Variants in TANC1 observed in about 807,000 individuals in gnomAD.
The protein encoded by TANC1 is tetratricopeptide repeat, ankyrin repeat and coiled-coil containing 1.
TANC1 carries 77 observed loss-of-function variants against 149.7 expected under a neutral mutation model. The observed-to-expected ratio is 0.51, with a 90% CI of 0.43 to 0.62. The LOEUF is 0.62. Ranked by LOEUF, TANC1 falls within the 20% of genes least tolerant of loss-of-function variation. TANC1 has a pLI of 0.00. For missense variants in TANC1, 1,985 were observed against 2,321.8 expected, an observed-to-expected ratio of 0.85 and a Z score of 2.98; for synonymous variants, 854 against 925.0, an observed-to-expected ratio of 0.92 and a Z score of 1.39.
intron 2 of TANC1, among the ~76,000 whole-genome samples, chr2:159,013,170 T>A (rs751676615): frequency 3.3e-5 from 5 of 152,170 alleles, no homozygotes; most frequent in Admixed American, 6.6e-5. Context: ...TGGGCAATAA[T>A]TGGAGCATAA....
At chr2:159,131,820 A>C (rs998785337) in intron 4 of TANC1, among the ~76,000 whole-genome samples, 3 of 152,268 alleles carry the variant, frequency 2.0e-5, no homozygotes, top group African/African-American at 7.2e-5. Flanking sequence ...CTTTATGTTC[A>C]GCTGTTTGTG....
Position 159,229,796 on chromosome 2 carries a change from A to T in TANC1, c.4370A>T (p.Glu1457Val). The T allele has an allele frequency of 6.2e-7, 1 of 1,613,736 alleles. No individual in the cohort carries two copies. Among genetic ancestry groups the T allele is most frequent in the Non-Finnish European group, 8.5e-7 (1 of 1,180,018 alleles). ...GGCTTAAGTGACCACTTTCACTCTGAGGAGACTGAAGAGGAAGAAACTTCT... is the reference window on the plus strand; with the variant it reads ...GGCTTAAGTGACCACTTTCACTCTGTGGAGACTGAAGAGGAAGAAACTTCT... ...TPGLSDHFHS[E>V]ETEEEETSPQ... Residue 1457 changes from glutamate (E) to valine (V), a missense_variant, in exon 27 of 27, where the codon GAG becomes GTG. Physicochemically the swap from Glu to Val is moderately radical, Grantham distance 121. Transcript: ENST00000263635.
At chr2:159,195,623 T>C (rs1346342898) in intron 17 of TANC1, among the ~76,000 whole-genome samples, 2 of 152,224 alleles carry the variant, frequency 1.3e-5, no homozygotes, top group Non-Finnish European at 2.9e-5. Flanking sequence ...TATTTTTTTC[T>C]CTCAAATCCA....
In TANC1 at chr2:159,230,899, C is replaced by G. The variant is rs77049231; in HGVS notation, c.5473C>G (p.His1825Asp). 2 of 1,614,094 alleles carry G rather than the reference C, an allele frequency of 1.2e-6. No individual in the cohort carries two copies. The highest frequency in any genetic ancestry group is 3.3e-5 in the Admixed American group (2 of 60,028). Residue 1825 changes from histidine (H) to aspartate (D), a missense_variant, in exon 27 of 27, where the codon CAT (histidine) becomes GAT (aspartate). Around this residue, in one of 3 missense-constraint regions of TANC1, gnomAD observed 920 missense variants for 994.7 expected, o/e 0.92. Coordinates refer to ENST00000263635, the MANE Select transcript of TANC1 (RefSeq NM_033394.3). This position sits in a 1 kb window ranked among gnomAD's most constrained non-coding sequence, Gnocchi z 4.4. ...GAACAGGATAACTAAGACTGTTTCT[C>G]ATCTGTACCAGGAAAGTATCTCCAA... ...QENRITKTVS[H>D]LYQESISKQQ...
intron 1 of TANC1, among the ~76,000 whole-genome samples, chr2:158,986,862 T>G (rs753933656): frequency 2.9e-4 from 44 of 152,082 alleles, no homozygotes; most frequent in Non-Finnish European, 4.6e-4. Context: ...GTCCTCAAAA[T>G]TAGGTTTGTT....
At position 159,231,099 on chromosome 2, in the gene TANC1, AT is replaced by A. The variant is rs1157072011; in HGVS notation, c.*93del. On this transcript the variant is annotated 3_prime_UTR_variant, in exon 27 of 27. Coordinates refer to ENST00000263635, the MANE Select transcript of TANC1 (RefSeq NM_033394.3). ...AATAGTTTTTTTCATCAGAAAAATTATTTTTTAGCCATTTTTTTTCTTTGGG... is the reference window on the plus strand; with the variant it reads ...AATAGTTTTTTTCATCAGAAAAATTATTTTTAGCCATTTTTTTTCTTTGGG... 13 of 1,166,500 alleles carry A rather than the reference AT, an allele frequency of 1.1e-5. No homozygotes were observed. Among genetic ancestry groups the A allele is most frequent in the Non-Finnish European group, 1.5e-5 (13 of 839,714 alleles). The allele number at this position is 1,166,500 out of a possible 1,614,324, so 72.3% of individuals were successfully genotyped here.
intron 16 of TANC1, among the ~76,000 whole-genome samples, chr2:159,188,952 AC>A (rs1321877302): frequency 2.0e-5 from 3 of 152,218 alleles, no homozygotes; most frequent in Non-Finnish European, 4.4e-5. Context: ...TTCCTTCAGC[AC>A]AGTGCCGTCT....
intron 2 of TANC1, among the ~76,000 whole-genome samples, chr2:159,024,700 A>C (rs1013046833): frequency 1.3e-5 from 2 of 151,978 alleles, no homozygotes; most frequent in East Asian, 1.9e-4. Context: ...GTAGTGATCC[A>C]AGATTGCACC....
intron 11 of TANC1, among the ~76,000 whole-genome samples, chr2:159,173,547 G>A (rs1314488664): frequency 6.6e-6 from 1 of 152,232 alleles, no homozygotes; most frequent in African/African-American, 2.4e-5. Context: ...GGAGGCTGCA[G>A]TGAGCCAAGA....
At chr2:159,151,438 A>T (rs2052800228) in intron 7 of TANC1, among the ~76,000 whole-genome samples, 1 of 152,208 alleles carries the variant, frequency 6.6e-6, no homozygotes, top group South Asian at 2.1e-4. Flanking sequence ...TTGCAGTTTC[A>T]CGCAGAGCTC....
rs370813551 is a variant in TANC1 at position 159,163,528 on chromosome 2, C to T, written c.928C>T (p.Arg310Trp). 4.3e-6 allele frequency: 7 copies of T among 1,612,138 alleles called. No individual in the cohort carries two copies. The highest frequency in any genetic ancestry group is 1.7e-5 in the Admixed American group (1 of 59,992). ...SQGSSSLIMP[R>W]PNSVAATSST... Reference sequence around the variant, plus strand: ...GGGCTCCAGCTCACTAATAATGCCACGGCCCAACTCAGTTGCAGGTAAGGC... The same window carrying T: ...GGGCTCCAGCTCACTAATAATGCCATGGCCCAACTCAGTTGCAGGTAAGGC... The change falls in exon 8 of 27, where the codon CGG becomes TGG. Residue 310 changes from arginine to tryptophan, a missense_variant. Around this residue, in one of 3 missense-constraint regions of TANC1, gnomAD observed 557 missense variants for 612.9 expected, o/e 0.91. Coordinates refer to ENST00000263635, the MANE Select transcript of TANC1 (RefSeq NM_033394.3).
At chr2:159,174,658 G>A (rs1270237425) in intron 11 of TANC1, among the ~76,000 whole-genome samples, 5 of 152,146 alleles carry the variant, frequency 3.3e-5, no homozygotes, top group African/African-American at 1.2e-4. Flanking sequence ...GCCAGGGTAG[G>A]TTTTAGGTTT....
intron 1 of TANC1, among the ~76,000 whole-genome samples, chr2:158,983,647 A>G (rs977945584): frequency 4.6e-5 from 7 of 152,066 alleles, no homozygotes; most frequent in East Asian, 1.9e-4. Flanking sequence ...TTGCTTGAGT[A>G]TGGTTTAGAA....
At chr2:159,003,190 C>T (rs2036782412) in intron 2 of TANC1, among the ~76,000 whole-genome samples, 1 of 152,294 alleles carries the variant, frequency 6.6e-6, no homozygotes, top group Middle Eastern at 3.4e-3. Flanking sequence ...CTCACTGGTG[C>T]CAAATTCAGA....
rs1169427763 is a variant in TANC1, at chr2:159,149,197, A to G, written c.420A>G (p.Thr140=). Reference sequence around the variant, plus strand: ...CGCCGGCAGCTCAAGAACTGTTGACAAGGCTGGGATTTTTACTGGGAGAAG... The same window carrying G: ...CGCCGGCAGCTCAAGAACTGTTGACGAGGCTGGGATTTTTACTGGGAGAAG... The part of the protein sequence containing the change: ...SCSPAAQELL[T]RLGFLLGEGI... Residue 140 remains threonine, a synonymous_variant, in exon 6 of 27, where the codon ACA becomes ACG. Coordinates refer to ENST00000263635, the MANE Select transcript of TANC1 (RefSeq NM_033394.3). The G allele has an allele frequency of 3.1e-6, 5 of 1,613,908 alleles. No homozygotes were observed. The highest frequency in any genetic ancestry group is 4.2e-6 in the Non-Finnish European group (5 of 1,179,822).
chr2:159,212,200 C>G (rs2059032315), intron 19 of TANC1, among the ~76,000 whole-genome samples: 1 of 152,202 alleles, frequency 6.6e-6, no homozygotes, highest in Non-Finnish European at 1.5e-5. Context: ...ATGGAAGAGT[C>G]CTGTGTTTAT....
At chr2:159,079,327 GGC>G (rs986760354) in intron 3 of TANC1, among the ~76,000 whole-genome samples, 5 of 147,272 alleles carry the variant, frequency 3.4e-5, no homozygotes, top group African/African-American at 1.2e-4. Flanking sequence ...AACCTCACTT[GGC>G]TGAAAAGTGT....
chr2:159,039,976 G>T (rs553269451), intron 2 of TANC1, among the ~76,000 whole-genome samples: 2 of 152,176 alleles, frequency 1.3e-5, no homozygotes, highest in African/African-American at 4.8e-5. Flanking sequence ...TTATTATTGT[G>T]TGGGAGTCTA....
chr2:159,224,488 C>G, intron 23 of TANC1, 124 bp downstream of exon 23: 1 of 1,086,946 alleles, frequency 9.2e-7, no homozygotes, highest in South Asian at 1.5e-5. Flanking sequence ...TTGCAGATCT[C>G]TGTCTCAGTC....
Sources: allele counts gnomAD v4.1 joint callset (sites outside exome capture counted in the v4.1 genomes callset), GRCh38; gene constraint gnomAD v4.1.1; regional missense constraint gnomAD v4.1.1; non-coding constraint Gnocchi (gnomAD v3.1); transcripts MANE v1.5; gene names NCBI Gene and HGNC (gene_info 2026-07-23, HGNC 2026-07-21).